The following KCNMB2 variants were observed in gnomAD, a reference collection of about 807,000 sequenced individuals.
KCNMB2 encodes potassium calcium-activated channel subfamily M regulatory beta subunit 2.
In KCNMB2, 9 loss-of-function variants were observed where a neutral mutation model predicts 24.5. The observed-to-expected ratio is 0.37, with a 90% CI of 0.22 to 0.64. The LOEUF (loss-of-function observed/expected upper bound fraction) is 0.64, where lower values mean the gene tolerates loss of function less well. Ranked by LOEUF, KCNMB2 falls within the 30% of genes least tolerant of loss-of-function variation. The pLI is 0.63. For synonymous variants in KCNMB2, 109 were observed against 104.4 expected (o/e 1.04, Z -0.27); for missense variants, 226 against 284.3 (o/e 0.79, Z 1.47).
intron 1 of KCNMB2, among the ~76,000 whole-genome samples, chr3:178,760,890 C>G (rs1711838915): frequency 6.6e-6 from 1 of 151,988 alleles, no homozygotes; most frequent in Non-Finnish European, 1.5e-5. Flanking sequence ...TTAGGGTTTA[C>G]TTTTTTACTG....
At chr3:178,596,461 G>C (rs2108503807) in intron 1 of KCNMB2, among the ~76,000 whole-genome samples, 1 of 152,152 alleles carries the variant, frequency 6.6e-6, no homozygotes, top group South Asian at 2.1e-4. Context: ...GAAGAGTTGG[G>C]ATATGAACTC....
chr3:178,600,841 T>G (rs2108507470), intron 1 of KCNMB2, among the ~76,000 whole-genome samples: 1 of 152,268 alleles, frequency 6.6e-6, no homozygotes, highest in South Asian at 2.1e-4. Context: ...GGTCAAATGG[T>G]ATTTCTAGTT....
At chr3:178,814,858 T>C (rs1714341505) in intron 2 of KCNMB2, among the ~76,000 whole-genome samples, 1 of 152,202 alleles carries the variant, frequency 6.6e-6, no homozygotes, top group South Asian at 2.1e-4. Flanking sequence ...TCCTGATAGA[T>C]TCTGGATATT....
intron 1 of KCNMB2, among the ~76,000 whole-genome samples, chr3:178,667,628 T>C (rs958882112): frequency 1.3e-5 from 2 of 152,100 alleles, no homozygotes; most frequent in Non-Finnish European, 2.9e-5. Context: ...TGGCCTCAAT[T>C]TACAGCCAAA....
rs1250026691 is a variant in KCNMB2 at position 178,843,047 on chromosome 3, T to C, written c.*110T>C. 1.2e-6 allele frequency: 1 copy of C among 815,394 alleles called. No homozygotes were observed. Among genetic ancestry groups the C allele is most frequent in the Admixed American group, 2.5e-5 (1 of 39,680 alleles). The allele number at this position is 815,394 out of a possible 1,614,324, so 50.5% of individuals were successfully genotyped here. ...GTGCAGTCTGTTATGAGTTCCCTAA[T>C]ATATTCTTATATGTAGAGCAATAAT... On this transcript the variant is annotated 3_prime_UTR_variant, in exon 5 of 5. Transcript: ENST00000452583.
chr3:178,700,939 G>A (rs1722069498), intron 1 of KCNMB2, among the ~76,000 whole-genome samples: 1 of 152,158 alleles, frequency 6.6e-6, no homozygotes, highest in African/African-American at 2.4e-5. Flanking sequence ...TTCTTTTGCT[G>A]TGCAGAAGCT....
intron 1 of KCNMB2, among the ~76,000 whole-genome samples, chr3:178,675,406 G>T (rs1721037776): frequency 6.6e-6 from 1 of 152,164 alleles, no homozygotes; most frequent in African/African-American, 2.4e-5. Flanking sequence ...AGAGTGAGGT[G>T]ATGTTCAGTT....
intron 1 of KCNMB2, among the ~76,000 whole-genome samples, chr3:178,792,671 A>G (rs191648034): frequency 6.2e-4 from 94 of 152,366 alleles, no homozygotes; most frequent in African/African-American, 2.1e-3. Context: ...GTTGCCTACA[A>G]GGAACACACT....
At chr3:178,549,941 C>A (rs1715893533) in intron 1 of KCNMB2, among the ~76,000 whole-genome samples, 1 of 151,622 alleles carries the variant, frequency 6.6e-6, no homozygotes, top group African/African-American at 2.4e-5. Flanking sequence ...TTTTTCTCTT[C>A]AGCTATCTTT....
At chr3:178,757,563 GAT>G (rs58385520) in intron 1 of KCNMB2, among the ~76,000 whole-genome samples, 8 of 34,558 alleles carry the variant, frequency 2.3e-4, no homozygotes, top group East Asian at 1.6e-3. Context: ...TATCCAAGAG[GAT>G]ATATATATAT....
chr3:178,757,137 C>A (rs1261198839), intron 1 of KCNMB2: 3 of 147,072 alleles, frequency 2.0e-5, no homozygotes, highest in Non-Finnish European at 4.5e-5. Context: ...TTATTTCCTT[C>A]TTGTAAAAGA....
chr3:178,669,800 C>T (rs748872950), intron 1 of KCNMB2, among the ~76,000 whole-genome samples: 2 of 151,858 alleles, frequency 1.3e-5, no homozygotes, highest in Non-Finnish European at 2.9e-5. Flanking sequence ...TGGAAGGAAC[C>T]ATGTGTGACA....
chr3:178,840,450 G>A (rs1200355421), intron 4 of KCNMB2, among the ~76,000 whole-genome samples: 1 of 152,230 alleles, frequency 6.6e-6, no homozygotes, highest in African/African-American at 2.4e-5. Flanking sequence ...TGGGGATTCT[G>A]TGTGGGAACT....
At chr3:178,792,596 T>G (rs1347036625) in intron 1 of KCNMB2, among the ~76,000 whole-genome samples, 1 of 151,870 alleles carries the variant, frequency 6.6e-6, no homozygotes, top group Non-Finnish European at 1.5e-5. Context: ...TGGAAATAAA[T>G]GAACATCTTC....
At chr3:178,780,550 A>G (rs1712787530) in intron 1 of KCNMB2, among the ~76,000 whole-genome samples, 1 of 152,232 alleles carries the variant, frequency 6.6e-6, no homozygotes, top group South Asian at 2.1e-4. Flanking sequence ...TGGTATTACA[A>G]TTTCAAGTGG....
intron 1 of KCNMB2, among the ~76,000 whole-genome samples, chr3:178,773,911 A>T (rs1420175427): frequency 6.6e-6 from 1 of 152,232 alleles, no homozygotes; most frequent in East Asian, 1.9e-4. Flanking sequence ...TTGTGCTGCT[A>T]TAACAAAATG....
rs563532164 is a variant in KCNMB2 at position 178,825,523 on chromosome 3, C to T, written c.57-65C>T. On this transcript the variant is annotated intron_variant, in intron 2 of 4. Transcript: ENST00000452583. ...CTAGGAAGGCATGGGCAGAAACTGACCTGCTCTCTAGGGGCATGCTGATTA... is the reference window on the plus strand; with the variant it reads ...CTAGGAAGGCATGGGCAGAAACTGATCTGCTCTCTAGGGGCATGCTGATTA... 515 of 1,424,092 alleles carry T rather than the reference C, an allele frequency of 3.6e-4. 3 individuals are homozygous for T. In the South Asian group the frequency reaches 5.7e-3, roughly 16 times the overall value. The allele number at this position is 1,424,092 out of a possible 1,614,324, so 88.2% of individuals were successfully genotyped here.
At chr3:178,678,855 A>G (rs1721162145) in intron 1 of KCNMB2, among the ~76,000 whole-genome samples, 1 of 152,094 alleles carries the variant, frequency 6.6e-6, no homozygotes, top group African/African-American at 2.4e-5. Flanking sequence ...TTCTCATCAC[A>G]TTACCGGGCT....
intron 1 of KCNMB2, among the ~76,000 whole-genome samples, chr3:178,760,813 A>G (rs899087051): frequency 1.3e-5 from 2 of 152,128 alleles, no homozygotes; most frequent in Admixed American, 6.6e-5. Flanking sequence ...CCTTAGAGAC[A>G]AGTAACAAAT....
Sources: gnomAD v4.1 joint callset for allele counts (sites outside exome capture counted in the v4.1 genomes callset) on GRCh38, gnomAD v4.1.1 for gene constraint, MANE v1.5 for transcripts, NCBI Gene and HGNC (gene_info 2026-07-23, HGNC 2026-07-21) for gene names.